Variants in ALOXE3 observed in about 807,000 individuals in gnomAD.
ALOXE3 encodes the protein hydroperoxide isomerase ALOXE3.
In ALOXE3, 78 loss-of-function variants were observed where a neutral mutation model predicts 87.5. The ratio of observed to expected loss-of-function variants is 0.89; its 90% CI spans 0.74 to 1.08. The LOEUF is 1.08. Ranked by LOEUF, ALOXE3 falls within the 50% of genes least tolerant of loss-of-function variation. ALOXE3 has a pLI of 0.00. For synonymous variants in ALOXE3, 363 were observed against 370.8 expected (o/e 0.98, Z 0.24); for missense variants, 946 against 912.4 (o/e 1.04, Z -0.47).
rs371263890 is a variant in ALOXE3, at chr17:8,097,910, G to A, written c.1957-1104C>T. On this transcript the variant is annotated intron_variant, in intron 15 of 15. Coordinates refer to ENST00000448843, the MANE Select transcript of ALOXE3 (RefSeq NM_021628.3). Reference sequence around the variant, plus strand: ...CTACAGGTGCCTGCCACCATGCCTGGCTAATTTTTTGTATTTTTAGTAGAG... The same window carrying A: ...CTACAGGTGCCTGCCACCATGCCTGACTAATTTTTTGTATTTTTAGTAGAG... 6.5e-3 allele frequency among the ~76,000 whole-genome samples: 982 copies of A among 151,948 alleles called. 12 individuals are homozygous for A. The highest frequency in any genetic ancestry group is 0.022 in the African/African-American group (903 of 41,416).
At chr17:8,106,375 T>C (rs1183472086) in intron 13 of ALOXE3, among the ~76,000 whole-genome samples, 1 of 152,056 alleles carries the variant, frequency 6.6e-6, no homozygotes, top group African/African-American at 2.4e-5. Context: ...GTTGAGTCTC[T>C]AAACTCGGAG....
At chr17:8,111,310 A>G (rs1980059631) in intron 8 of ALOXE3, 49 bp downstream of exon 8, 1 of 1,606,140 alleles carries the variant, frequency 6.2e-7, no homozygotes, top group Non-Finnish European at 8.5e-7. Context: ...CATAATGGTG[A>G]CACACCCACC....
chr17:8,098,906 A>G (rs1442984941), intron 15 of ALOXE3, among the ~76,000 whole-genome samples: 1 of 152,018 alleles, frequency 6.6e-6, no homozygotes, highest in Non-Finnish European at 1.5e-5. Flanking sequence ...GCAGAAGTGT[A>G]GCGATGGGAT....
At chr17:8,109,808 C>A in intron 11 of ALOXE3, 108 bp downstream of exon 11, 4 of 1,171,606 alleles carry the variant, frequency 3.4e-6, no homozygotes, top group Non-Finnish European at 4.8e-6. Context: ...GTTCTCACAC[C>A]CCAGGTGTCC....
chr17:8,108,907 C>T (rs552289807), intron 12 of ALOXE3, among the ~76,000 whole-genome samples: 25 of 152,276 alleles, frequency 1.6e-4, no homozygotes, highest in African/African-American at 5.3e-4. Context: ...GGCCCCAGCC[C>T]ATGCTTAAAT....
chr17:8,098,518 G>A (rs12451160), intron 15 of ALOXE3, among the ~76,000 whole-genome samples: 49,355 of 151,788 alleles, frequency 0.33, 8,611 homozygotes, highest in East Asian at 0.63. Flanking sequence ...GAGATTACAG[G>A]CGTGAGCCAC....
chr17:8,108,476 T>C lies in ALOXE3; in HGVS notation c.1676A>G (p.Glu559Gly). ...GGATAGAGAGGGGATACCTGAGCTT[T>C]CCCGGCCCAGGAACGCCTGAGCAAA... ...EIFAQAFLGR[E>G]SSGFPSRLCT... The change falls in exon 13 of 16, where the codon GAA becomes GGA. Residue 559 changes from glutamate to glycine, a missense_variant. Glu to Gly is a moderately conservative substitution (Grantham distance 98). Transcript: ENST00000448843. 1.2e-6 allele frequency: 2 copies of C among 1,613,014 alleles called. No individual in the cohort carries two copies. The highest frequency in any genetic ancestry group is 1.7e-6 in the Non-Finnish European group (2 of 1,179,434).
At chr17:8,103,572 C>A in intron 14 of ALOXE3, 79 bp from the exon 15 acceptor site, 1 of 1,470,912 alleles carries the variant, frequency 6.8e-7, no homozygotes, top group African/African-American at 1.4e-5. Context: ...CCTGATTCCA[C>A]CTCTGCCGTC....
intron 3 of ALOXE3, 133 bp downstream of exon 3, chr17:8,116,643 G>A: frequency 1.8e-6 from 2 of 1,121,030 alleles, no homozygotes; most frequent in Non-Finnish European, 2.6e-6. Flanking sequence ...CCTTTTTTCA[G>A]AAAACATCTA....
Position 8,111,433 on chromosome 17 carries a change from T to C in ALOXE3, c.883A>G (p.Ser295Gly). 6.2e-7 allele frequency: 1 copy of C among 1,614,114 alleles called. No individual in the cohort carries two copies. The highest frequency in any genetic ancestry group is 8.5e-7 in the Non-Finnish European group (1 of 1,180,004). Residue 295 changes from serine (S) to glycine (G), a missense_variant, in exon 8 of 16, where the codon AGC becomes GGC. Ser to Gly is a moderately conservative substitution (Grantham distance 56). Transcript: ENST00000448843. ...ATGTCATTGGTGACAGGCAGCTTGC[T>C]GGGCAAGCTAGAGATGCAGTGGAGC... ...VMLHCISSLP[S>G]KLPVTNDMVA...
In ALOXE3 at chr17:8,110,195, AG is replaced by A; in HGVS notation, c.1201del (p.Leu401TrpfsTer47). On this transcript the variant is annotated frameshift_variant, in exon 10 of 16. Transcript: ENST00000448843. LOFTEE classifies it high-confidence loss of function. Reference sequence around the variant, plus strand: ...AAAGTGCGTGTTGTTTTCGTGCACCAGGAACTCAGAGTTGCGCACCCACGTC... The same window carrying A: ...AAAGTGCGTGTTGTTTTCGTGCACCAGAACTCAGAGTTGCGCACCCACGTC... ...AKTWVRNSEF[L>X]VHENNTHFLC... 6 of 1,614,136 alleles carry A rather than the reference AG, an allele frequency of 3.7e-6. No homozygotes were observed. Among genetic ancestry groups the A allele is most frequent in the Non-Finnish European group, 4.2e-6 (5 of 1,179,960 alleles).
intron 11 of ALOXE3, 51 bp downstream of exon 11, chr17:8,109,865 G>A (rs1328751644): frequency 1.3e-6 from 2 of 1,518,524 alleles, no homozygotes; most frequent in Non-Finnish European, 1.8e-6. Flanking sequence ...CGGGTAGCGG[G>A]GCAAAGCGTC....
At chr17:8,100,551 G>T (rs1036819344) in intron 15 of ALOXE3, among the ~76,000 whole-genome samples, 5 of 151,964 alleles carry the variant, frequency 3.3e-5, no homozygotes, top group Admixed American at 6.6e-5. Context: ...TTGTATTGTG[G>T]TTTTTTTTGA....
At chr17:8,106,044 T>C (rs1979285508) in intron 13 of ALOXE3, among the ~76,000 whole-genome samples, 1 of 150,948 alleles carries the variant, frequency 6.6e-6, no homozygotes, top group African/African-American at 2.4e-5. Flanking sequence ...TTCTGGGCAG[T>C]ATTTCAGAGG....
At chr17:8,105,196 C>A (rs928964454) in intron 13 of ALOXE3, among the ~76,000 whole-genome samples, 1 of 152,228 alleles carries the variant, frequency 6.6e-6, no homozygotes, top group African/African-American at 2.4e-5. Flanking sequence ...ACTTCATTTC[C>A]TTCCTGGCTG....
At chr17:8,105,955 C>T (rs7210393) in intron 13 of ALOXE3, among the ~76,000 whole-genome samples, 113,024 of 138,360 alleles carry the variant, frequency 0.82, 46,638 homozygotes, top group African/African-American at 0.88. Context: ...TAGGAAGGCA[C>T]GGGGTATTAA....
chr17:8,118,891 C>A, upstream of ALOXE3: 6 of 1,483,544 alleles, frequency 4.0e-6, no homozygotes, highest in Non-Finnish European at 5.3e-6. Context: ...GCCCATAGCC[C>A]GCAGCGGCCC....
chr17:8,101,692 A>T (rs936136742), intron 15 of ALOXE3, among the ~76,000 whole-genome samples: 6 of 152,030 alleles, frequency 3.9e-5, no homozygotes, highest in African/African-American at 1.5e-4. Flanking sequence ...GCTGGCGTGC[A>T]GTGGCGTGAA....
intron 13 of ALOXE3, among the ~76,000 whole-genome samples, chr17:8,107,933 GA>G (rs1979556819): frequency 2.0e-4 from 1 of 5,106 alleles, no homozygotes; most frequent in South Asian, 3.7e-3. Flanking sequence ...AAGAAAGAAA[GA>G]AAGAAAGAAA....
Sources: allele counts gnomAD v4.1 joint callset (sites outside exome capture counted in the v4.1 genomes callset), GRCh38; gene constraint gnomAD v4.1.1; transcripts MANE v1.5; gene names NCBI Gene and HGNC (gene_info 2026-07-23, HGNC 2026-07-21).